Variants in PDE1C observed in about 807,000 individuals in gnomAD.
PDE1C encodes dual specificity calcium/calmodulin-dependent 3',5'-cyclic nucleotide phosphodiesterase 1C.
A neutral mutation model predicts 93.1 loss-of-function variants in PDE1C; 62 were observed. That is an observed-to-expected ratio of 0.67 (90% CI 0.54 to 0.82). The LOEUF is 0.82. Ranked by LOEUF, PDE1C falls within the 40% of genes least tolerant of loss-of-function variation. PDE1C has a pLI of 0.00. For synonymous variants in PDE1C, 325 were observed against 310.1 expected, an observed-to-expected ratio of 1.05 and a Z score of -0.50; for missense variants, 742 against 884.6, an observed-to-expected ratio of 0.84 and a Z score of 2.04.
At chr7:31,712,763 G>A in the PDE1C span, among the ~76,000 whole-genome samples, 3 of 152,212 alleles carry the variant, frequency 2.0e-5, no homozygotes, top group African/African-American at 4.8e-5. Flanking sequence ...TGGAAAGCAA[G>A]GAGGAGCAAG....
intron 2 of PDE1C, among the ~76,000 whole-genome samples, chr7:31,972,327 C>A (rs116119065): frequency 6.6e-6 from 1 of 152,188 alleles, no homozygotes; most frequent in African/African-American, 2.4e-5. Context: ...CCCAATTACA[C>A]AGGTTGCAAA....
the PDE1C span, among the ~76,000 whole-genome samples, chr7:31,622,468 C>T: frequency 6.6e-6 from 1 of 150,570 alleles, no homozygotes; most frequent in Non-Finnish European, 1.5e-5. Flanking sequence ...CAAAACTGCT[C>T]AACTACATGG....
chr7:32,406,340 T>C (rs1276255112), intron 1 of PDE1C, among the ~76,000 whole-genome samples: 9 of 152,112 alleles, frequency 5.9e-5, no homozygotes, highest in Admixed American at 5.2e-4. Context: ...AAGTAAAATC[T>C]TCCAATACAA....
chr7:32,243,733 T>C (rs1465249312), intron 1 of PDE1C, among the ~76,000 whole-genome samples: 1 of 152,162 alleles, frequency 6.6e-6, no homozygotes, highest in East Asian at 1.9e-4. Flanking sequence ...AAATTTAGTT[T>C]CTCTGCATGT....
At chr7:32,008,149 A>T (rs903175206) in intron 2 of PDE1C, among the ~76,000 whole-genome samples, 1 of 152,204 alleles carries the variant, frequency 6.6e-6, no homozygotes, top group Non-Finnish European at 1.5e-5. Context: ...CATGAGCTAC[A>T]TGCCAGATAT....
chr7:31,945,286 G>GA (rs112174177), intron 2 of PDE1C, among the ~76,000 whole-genome samples: 1 of 151,824 alleles, frequency 6.6e-6, no homozygotes, highest in Non-Finnish European at 1.5e-5. Flanking sequence ...TAAAAAATAA[G>GA]AAAAAAAGAT....
At chr7:31,904,965 T>C (rs1423611218) in intron 2 of PDE1C, among the ~76,000 whole-genome samples, 3 of 152,146 alleles carry the variant, frequency 2.0e-5, no homozygotes, top group Non-Finnish European at 4.4e-5. Context: ...CTTTTATATA[T>C]TGGCTGAACA....
At chr7:32,132,749 G>A (rs1020601200) in intron 3 of PDE1C, among the ~76,000 whole-genome samples, 1 of 152,128 alleles carries the variant, frequency 6.6e-6, no homozygotes, top group African/African-American at 2.4e-5. Context: ...TAGAATCAAG[G>A]AGTCCAGTTC....
At chr7:31,929,925 C>A (rs1249049764) in intron 2 of PDE1C, among the ~76,000 whole-genome samples, 1 of 152,066 alleles carries the variant, frequency 6.6e-6, no homozygotes, top group Admixed American at 6.5e-5. Flanking sequence ...AAGATCAGAG[C>A]AGAACTGAAG....
chr7:31,863,415 T>A (rs917589185), intron 7 of PDE1C, among the ~76,000 whole-genome samples: 10 of 152,174 alleles, frequency 6.6e-5, no homozygotes, highest in African/African-American at 2.4e-4. Flanking sequence ...ACTGCATTCT[T>A]GAGGCTGAGA....
At chr7:32,037,672 A>G (rs1261043079) in intron 2 of PDE1C, among the ~76,000 whole-genome samples, 2 of 152,130 alleles carry the variant, frequency 1.3e-5, no homozygotes, top group Non-Finnish European at 2.9e-5. Context: ...ATTCTCTATG[A>G]CTTTGTACCT....
chr7:32,120,061 G>A (rs1413413606), intron 3 of PDE1C, among the ~76,000 whole-genome samples: 2 of 152,188 alleles, frequency 1.3e-5, no homozygotes, highest in Non-Finnish European at 2.9e-5. Context: ...TAGAGCCAGG[G>A]AGGCTGGACA....
At chr7:32,008,403 C>T (rs1786560226) in intron 2 of PDE1C, among the ~76,000 whole-genome samples, 1 of 152,192 alleles carries the variant, frequency 6.6e-6, no homozygotes, top group Admixed American at 6.6e-5. Context: ...ATCCTTTCCA[C>T]ACATGTCTTC....
At chr7:31,877,159 C>A (rs182182537) in intron 5 of PDE1C, among the ~76,000 whole-genome samples, 1 of 152,298 alleles carries the variant, frequency 6.6e-6, no homozygotes, top group Admixed American at 6.5e-5. Flanking sequence ...GTGATGTCAA[C>A]AAACTCAGTG....
intron 2 of PDE1C, among the ~76,000 whole-genome samples, chr7:32,186,826 G>A (rs1803917936): frequency 6.6e-6 from 1 of 152,068 alleles, no homozygotes; most frequent in South Asian, 2.1e-4. Flanking sequence ...TTAAAGAAAA[G>A]GACCATATCT....
intron 2 of PDE1C, among the ~76,000 whole-genome samples, chr7:32,199,130 AT>A (rs56817781): frequency 0.038 from 5,649 of 149,558 alleles, 362 homozygotes; most frequent in African/African-American, 0.13. Context: ...AAAAATAAAA[AT>A]TTAAAAAAAA....
chr7:31,860,125 C>G (rs950662327), intron 7 of PDE1C, among the ~76,000 whole-genome samples: 1 of 152,092 alleles, frequency 6.6e-6, no homozygotes, highest in African/African-American at 2.4e-5. Context: ...ATGACTATAC[C>G]AATTTACCCT....
intron 3 of PDE1C, among the ~76,000 whole-genome samples, chr7:32,151,052 C>T (rs555589722): frequency 6.6e-6 from 1 of 152,192 alleles, no homozygotes; most frequent in East Asian, 1.9e-4. Flanking sequence ...TTCAAAGAAT[C>T]GTATCTGTAA....
At chr7:31,644,360 G>A in the PDE1C span, among the ~76,000 whole-genome samples, 1 of 152,090 alleles carries the variant, frequency 6.6e-6, no homozygotes, top group African/African-American at 2.4e-5. Context: ...TGTAAAATAG[G>A]GAGACTATTC....
Sources: gnomAD v4.1 joint callset for allele counts (sites outside exome capture counted in the v4.1 genomes callset) on GRCh38, gnomAD v4.1.1 for gene constraint, MANE v1.5 for transcripts, NCBI Gene and HGNC (gene_info 2026-07-23, HGNC 2026-07-21) for gene names.